ICE1: variants seen among roughly 807,000 people sequenced by gnomAD.
The protein encoded by ICE1 is interactor of little elongation complex ELL subunit 1.
In ICE1, 64 loss-of-function variants were observed where a neutral mutation model predicts 192.7. The ratio of observed to expected loss-of-function variants is 0.33; its 90% CI spans 0.27 to 0.41. The LOEUF is 0.41. Among genes scored for constraint, ICE1 ranks in the 10% least tolerant of loss-of-function variants. The pLI is 1.00. For missense variants in ICE1, 2,708 were observed against 2,696.0 expected, an observed-to-expected ratio of 1.00 and a Z score of -0.10; for synonymous variants, 1,010 against 984.5, an observed-to-expected ratio of 1.03 and a Z score of -0.49.
At chr5:5,438,097 A>G (rs188554076) in intron 3 of ICE1, among the ~76,000 whole-genome samples, 240 of 152,370 alleles carry the variant, frequency 1.6e-3, no homozygotes, top group African/African-American at 5.5e-3. Context: ...AGGCCCCAGG[A>G]AACTTATAAT....
In ICE1 at chr5:5,439,254, T is replaced by TA. The variant is rs576510424; in HGVS notation, c.179-640dup. On this transcript the variant is annotated intron_variant, in intron 3 of 18. Coordinates refer to ENST00000296564, the MANE Select transcript of ICE1 (RefSeq NM_015325.3). ...TGTTCTTCAGAAACCTTCAGAAACTTACATTCTAATGGAGGATGCACACGT... is the reference window on the plus strand; with the variant it reads ...TGTTCTTCAGAAACCTTCAGAAACTTAACATTCTAATGGAGGATGCACACGT... 3.9e-5 allele frequency among the ~76,000 whole-genome samples: 6 copies of TA among 152,286 alleles called. No homozygotes were observed. The East Asian group carries it at 5.8e-4, about 15-fold the overall frequency.
At chr5:5,435,709 A>ACT (rs3056322) in intron 1 of ICE1, among the ~76,000 whole-genome samples, 60,825 of 135,546 alleles carry the variant, frequency 0.45, 14,333 homozygotes, top group East Asian at 0.65. Flanking sequence ...ATGGAATCTC[A>ACT]CTGTCACTGG....
chr5:5,427,524 A>G (rs141845587), intron 1 of ICE1, among the ~76,000 whole-genome samples: 395 of 152,302 alleles, frequency 2.6e-3, no homozygotes, highest in African/African-American at 8.5e-3. Context: ...TATATTGTTC[A>G]TCTCATGTAT....
At chr5:5,479,747 A>G (rs941087429) in intron 17 of ICE1, among the ~76,000 whole-genome samples, 3 of 152,202 alleles carry the variant, frequency 2.0e-5, no homozygotes, top group Non-Finnish European at 2.9e-5. Context: ...ATAATATACC[A>G]TGGAATACTA....
intron 16 of ICE1, among the ~76,000 whole-genome samples, chr5:5,474,411 G>A (rs572172816): frequency 5.6e-4 from 85 of 152,266 alleles, no homozygotes; most frequent in Middle Eastern, 3.4e-3. Context: ...GCCCACACAA[G>A]GGGAGCACCT....
At chr5:5,435,598 G>A (rs1027226734) in intron 1 of ICE1, among the ~76,000 whole-genome samples, 2 of 150,468 alleles carry the variant, frequency 1.3e-5, no homozygotes, top group African/African-American at 4.9e-5. Context: ...CATTTCAACA[G>A]TGTAACTAAG....
chr5:5,461,142 C>T lies in ICE1; in HGVS notation c.1808C>T (p.Thr603Ile). The part of the protein sequence containing the change: ...EKEKEDTQGF[T>I]LGESPESEDD... ...GAAAAAGAAGATACTCAAGGGTTCA[C>T]TTTAGGAGAATCACCTGAATCAGAA... Residue 603 changes from threonine (T) to isoleucine (I), a missense_variant, in exon 13 of 19, where the codon ACT becomes ATT. Around this residue, in one of 2 missense-constraint regions of ICE1, gnomAD observed 2,366 missense variants for 2,276.6 expected, o/e 1.04. Transcript: ENST00000296564. 6.2e-7 allele frequency: 1 copy of T among 1,613,992 alleles called. No homozygotes were observed. Among genetic ancestry groups the T allele is most frequent in the Non-Finnish European group, 8.5e-7 (1 of 1,179,880 alleles).
rs2111408970 is a variant in ICE1 at position 5,486,593 on chromosome 5, A to G, written c.6521-128A>G. The G allele has an allele frequency of 7.8e-6, 5 of 641,360 alleles. No individual in the cohort carries two copies. The East Asian group carries it at 8.3e-5, about 11-fold the overall frequency. 39.7% of individuals were successfully genotyped at this position (641,360 alleles called of 1,614,324 possible). A position where few individuals can be genotyped will look rare whatever the true frequency, so the allele number is the denominator to read the frequency against. ...CAACACATTGTATATCATCTGGTAT[A>G]GGTGATTGCAAGACGAAATGATGAG... On this transcript the variant is annotated intron_variant, in intron 17 of 18. Coordinates refer to ENST00000296564, the MANE Select transcript of ICE1 (RefSeq NM_015325.3).
intron 14 of ICE1, among the ~76,000 whole-genome samples, chr5:5,468,491 C>A (rs1739057594): frequency 1.3e-5 from 2 of 152,300 alleles, no homozygotes; most frequent in African/African-American, 4.8e-5. Flanking sequence ...TTAAAAAATT[C>A]TTCAAATCAG....
chr5:5,478,001 A>G (rs528259084), intron 17 of ICE1, among the ~76,000 whole-genome samples: 3 of 152,336 alleles, frequency 2.0e-5, no homozygotes, highest in South Asian at 2.1e-4. Flanking sequence ...ATTTATGACA[A>G]ATCTACAGCC....
Position 5,489,134 on chromosome 5 carries a change from GA to G in ICE1, c.6620-12del. ...TATTTTCTTGTTTTATGACTGATCT[GA>G]AATTTCTTTTCAGATATACCATGGG... On this transcript the variant is annotated splice_polypyrimidine_tract_variant and intron_variant, in intron 18 of 18. Transcript: ENST00000296564. 1 of 1,609,272 alleles carries G rather than the reference GA, an allele frequency of 6.2e-7. No homozygotes were observed. The highest frequency in any genetic ancestry group is 8.5e-7 in the Non-Finnish European group (1 of 1,178,332).
Position 5,461,252 on chromosome 5 carries a change from T to G in ICE1, c.1918T>G (p.Ser640Ala). The change falls in exon 13 of 19, where the codon TCT becomes GCT. Residue 640 changes from serine (S) to alanine (A), a missense_variant. Around this residue, in one of 2 missense-constraint regions of ICE1, gnomAD observed 2,366 missense variants for 2,276.6 expected, o/e 1.04. Coordinates refer to ENST00000296564, the MANE Select transcript of ICE1 (RefSeq NM_015325.3). ...TTCCTCTTCTACCTTGGTAGCATTG[T>G]CTGTTGGCAGTAATCCCCAGTCTTC... is the stretch of plus-strand genomic sequence containing the variant. ...FSSSSTLVAL[S>A]VGSNPQSSSG... 4.3e-6 allele frequency: 7 copies of G among 1,613,980 alleles called. No individual in the cohort carries two copies. Among genetic ancestry groups the G allele is most frequent in the Non-Finnish European group, 5.9e-6 (7 of 1,179,898 alleles).
chr5:5,470,636 G>A (rs892771087), intron 15 of ICE1, among the ~76,000 whole-genome samples: 1 of 151,950 alleles, frequency 6.6e-6, no homozygotes, highest in Non-Finnish European at 1.5e-5. Context: ...TGAAGAATAT[G>A]TATTTTTTAT....
In ICE1 at chr5:5,460,517, G is replaced by T; in HGVS notation, c.1183G>T (p.Asp395Tyr). ...LRNSAECVSE[D>Y]DTTESQNYFG... ...AAATTCTGCTGAGTGTGTTTCAGAA[G>T]ATGATACAACTGAATCACAGAATTA... is the stretch of plus-strand genomic sequence containing the variant. The change falls in exon 13 of 19, where the codon GAT (aspartate) becomes TAT (tyrosine). Residue 395 changes from aspartate (D) to tyrosine (Y), a missense_variant. By Grantham distance (160) the Asp-to-Tyr change is radical. Around this residue, in one of 2 missense-constraint regions of ICE1, gnomAD observed 2,366 missense variants for 2,276.6 expected, o/e 1.04. Transcript: ENST00000296564. 6.2e-7 allele frequency: 1 copy of T among 1,612,068 alleles called. No individual in the cohort carries two copies. The highest frequency in any genetic ancestry group is 1.3e-5 in the African/African-American group (1 of 75,034).
intron 10 of ICE1, among the ~76,000 whole-genome samples, chr5:5,449,147 T>A (rs984671886): frequency 6.6e-6 from 1 of 152,192 alleles, no homozygotes; most frequent in Non-Finnish European, 1.5e-5. Flanking sequence ...AAATAACTTA[T>A]TACTATCTCA....
chr5:5,444,436 G>T (rs185052006), intron 7 of ICE1, 110 bp downstream of exon 7: 223 of 750,598 alleles, frequency 3.0e-4, no homozygotes, highest in Non-Finnish European at 4.5e-4. Flanking sequence ...GTTTTTGATG[G>T]TACATCCATG....
intron 17 of ICE1, among the ~76,000 whole-genome samples, chr5:5,478,483 T>C (rs1266379313): frequency 6.6e-6 from 1 of 152,214 alleles, no homozygotes; most frequent in African/African-American, 2.4e-5. Context: ...CATTTCATGC[T>C]CATGGATAGG....
intron 10 of ICE1, among the ~76,000 whole-genome samples, chr5:5,453,583 A>G (rs778939497): frequency 6.6e-6 from 1 of 152,196 alleles, no homozygotes; most frequent in African/African-American, 2.4e-5. Context: ...AGGAAACTCT[A>G]ATAAAACTTT....
chr5:5,463,018 A>G lies in ICE1; in HGVS notation c.3684A>G (p.Thr1228=). The stretch of plus-strand genomic sequence containing the variant: ...GAAAGCAACCCTGTGAGGAAGAAAC[A>G]CTTGGAACCTGTGAAGAGTGGATTG... The part of the protein sequence containing the change: ...KYRKQPCEEE[T]LGTCEEWIES... Residue 1228 remains threonine, a synonymous_variant, in exon 13 of 19, where the codon ACA becomes ACG. Transcript: ENST00000296564. 1 of 1,613,886 alleles carries G rather than the reference A, an allele frequency of 6.2e-7. No homozygotes were observed. The highest frequency in any genetic ancestry group is 8.5e-7 in the Non-Finnish European group (1 of 1,179,872).
Sources: gnomAD v4.1 joint callset for allele counts (sites outside exome capture counted in the v4.1 genomes callset) on GRCh38, gnomAD v4.1.1 for gene constraint, gnomAD v4.1.1 regional missense constraint, MANE v1.5 for transcripts, NCBI Gene and HGNC (gene_info 2026-07-23, HGNC 2026-07-21) for gene names.